DGAT2: variants seen among roughly 807,000 people sequenced by gnomAD.
DGAT2 encodes the protein acyl-CoA retinol O-fatty-acyltransferase.
Under a neutral mutation model 48.4 loss-of-function variants are expected in DGAT2, and 33 were observed. The observed-to-expected ratio is 0.68, with a 90% CI of 0.52 to 0.91. The LOEUF is 0.91. Ranked by LOEUF, DGAT2 falls within the 40% of genes least tolerant of loss-of-function variation. The probability of loss-of-function intolerance (pLI) is 0.00; values close to 1 mark genes in which losing one functional copy is unlikely to be tolerated. For synonymous variants in DGAT2, 191 were observed against 194.1 expected (o/e 0.98, Z 0.13); for missense variants, 446 against 493.7 (o/e 0.90, Z 0.92).
chr11:75,798,443 C>T lies in DGAT2; in HGVS notation c.1012+14C>T. 3 of 1,611,348 alleles carry T rather than the reference C, an allele frequency of 1.9e-6. No individual in the cohort carries two copies. Among genetic ancestry groups the T allele is most frequent in the African/African-American group, 2.7e-5 (2 of 75,014 alleles). On this transcript the variant is annotated intron_variant, in intron 7 of 7. Coordinates refer to ENST00000228027, the MANE Select transcript of DGAT2 (RefSeq NM_032564.5). ...TCACCACTGTTGGTAAGCCCCTAGC[C>T]TGCAGACCAAGGGCTGTCCTGAACA...
At chr11:75,785,521 A>G (rs188190465) in intron 2 of DGAT2, among the ~76,000 whole-genome samples, 113 of 152,338 alleles carry the variant, frequency 7.4e-4, no homozygotes, top group African/African-American at 2.6e-3. Context: ...TTAGGTTGCC[A>G]TCCAGGCCAG....
intron 2 of DGAT2, among the ~76,000 whole-genome samples, chr11:75,787,853 T>G (rs1944938163): frequency 6.6e-6 from 1 of 151,686 alleles, no homozygotes; most frequent in Non-Finnish European, 1.5e-5. Flanking sequence ...GGATGGTGAG[T>G]GGTTTCAGAG....
chr11:75,787,833 A>C (rs998142392), intron 2 of DGAT2, among the ~76,000 whole-genome samples: 1 of 152,178 alleles, frequency 6.6e-6, no homozygotes, highest in Non-Finnish European at 1.5e-5. Context: ...AGGGAGGCAG[A>C]TGATGAAAGG....
rs1945049089 is a variant in DGAT2, at chr11:75,796,144, C to T, written c.430-184C>T. On this transcript the variant is annotated intron_variant, in intron 4 of 7. Transcript: ENST00000228027. The stretch of plus-strand genomic sequence containing the variant: ...CAGAGACCCACAGTGCAAATGGTGA[C>T]TGCCCAACACCAGCACTGTGGCCCT... The T allele has an allele frequency of 4.7e-6, 3 of 640,608 alleles. No individual in the cohort carries two copies. In the East Asian group the frequency reaches 7.8e-5, roughly 17 times the overall value. The allele number at this position is 640,608 out of a possible 1,614,324, so 39.7% of individuals were successfully genotyped here. A position where few individuals can be genotyped will look rare whatever the true frequency, so the allele number is the denominator to read the frequency against.
intron 4 of DGAT2, among the ~76,000 whole-genome samples, chr11:75,791,033 G>T (rs1035566760): frequency 6.6e-6 from 1 of 152,250 alleles, no homozygotes; most frequent in Non-Finnish European, 1.5e-5. Flanking sequence ...CCTGATGCAT[G>T]TGGGCAATCC....
chr11:75,796,359 G>A lies in DGAT2; in HGVS notation c.461G>A (p.Arg154Lys). Residue 154 changes from arginine to lysine, a missense_variant, in exon 5 of 8, where the codon AGG becomes AAG. Transcript: ENST00000228027. The part of the protein sequence containing the change: ...LVKTHNLLTT[R>K]NYIFGYHPHG... The stretch of plus-strand genomic sequence containing the variant: ...AAGACACACAACCTGCTGACCACCA[G>A]GAACTATATCTTTGGATACCACCCC... The A allele has an allele frequency of 6.2e-7, 1 of 1,614,112 alleles. No homozygotes were observed. Among genetic ancestry groups the A allele is most frequent in the South Asian group, 1.1e-5 (1 of 91,084 alleles).
At chr11:75,781,009 C>T (rs868431209) in intron 1 of DGAT2, among the ~76,000 whole-genome samples, 4 of 152,268 alleles carry the variant, frequency 2.6e-5, no homozygotes, top group Non-Finnish European at 5.9e-5. Context: ...GGATCAGACC[C>T]AGGCCTGGCC....
intron 7 of DGAT2, among the ~76,000 whole-genome samples, chr11:75,799,611 ATTTTTTTTT>A (rs926223340): frequency 2.8e-5 from 4 of 143,216 alleles, no homozygotes; most frequent in Non-Finnish European, 6.2e-5. Flanking sequence ...CACACTTTTT[ATTTTTTTTT>A]TTTTTATTTT....
chr11:75,789,751 C>G (rs1944963768), intron 2 of DGAT2, among the ~76,000 whole-genome samples: 1 of 152,186 alleles, frequency 6.6e-6, no homozygotes, highest in Non-Finnish European at 1.5e-5. Flanking sequence ...AGTCACCCTG[C>G]CTTACACTTG....
chr11:75,787,011 C>G (rs979354883), intron 2 of DGAT2, among the ~76,000 whole-genome samples: 2 of 152,102 alleles, frequency 1.3e-5, no homozygotes, highest in Non-Finnish European at 2.9e-5. Context: ...ATAAAAAGAT[C>G]TAGCAGCACA....
intron 2 of DGAT2, among the ~76,000 whole-genome samples, chr11:75,787,627 C>T (rs959310727): frequency 1.3e-5 from 2 of 152,216 alleles, no homozygotes; most frequent in African/African-American, 4.8e-5. Flanking sequence ...AGCCCCACAA[C>T]CTAAGAGCAT....
intron 1 of DGAT2, chr11:75,776,645 G>A (rs1253296160): frequency 2.0e-5 from 3 of 152,244 alleles, no homozygotes; most frequent in Non-Finnish European, 4.4e-5. Context: ...CACATGGTGA[G>A]GCACCAAGTG....
In DGAT2 at chr11:75,778,556, T is replaced by A. The variant is rs1416316631; in HGVS notation, c.122-6062T>A. ...CGTTTTAAAATTTAATGTTCCTGGCTGGGCGTGGTGGCTCATGCCTGTAAT... is the reference window on the plus strand; with the variant it reads ...CGTTTTAAAATTTAATGTTCCTGGCAGGGCGTGGTGGCTCATGCCTGTAAT... On this transcript the variant is annotated intron_variant, in intron 1 of 7. Transcript: ENST00000228027. Among the ~76,000 whole-genome samples, 4 of 152,264 alleles carry A rather than the reference T, an allele frequency of 2.6e-5. No homozygotes were observed. In the East Asian group the frequency reaches 7.7e-4, roughly 29 times the overall value.
rs78326439 is a variant in DGAT2 at position 75,790,429 on chromosome 11, G to A, written c.358+134G>A. On this transcript the variant is annotated intron_variant, in intron 3 of 7. Transcript: ENST00000228027. ...TGAAAAGCACTGGACTAGTCCTTTT[G>A]GGGGGAGGTTAAAAGCCCCTCAAAG... The A allele has an allele frequency of 1.6e-3, 1,341 of 862,880 alleles. 13 individuals are homozygous for A. The African/African-American group carries it at 0.02, about 13-fold the overall frequency. 53.5% of individuals were successfully genotyped at this position (862,880 alleles called of 1,614,324 possible). A position where few individuals can be genotyped will look rare whatever the true frequency, so the allele number is the denominator to read the frequency against.
intron 4 of DGAT2, chr11:75,794,759 T>G (rs1209870975): frequency 1.3e-5 from 2 of 152,166 alleles, no homozygotes; most frequent in Non-Finnish European, 2.9e-5. Flanking sequence ...TAACCTCAAT[T>G]TTGTGGGTTT....
chr11:75,772,217 G>T (rs970653016), intron 1 of DGAT2, among the ~76,000 whole-genome samples: 2 of 152,150 alleles, frequency 1.3e-5, no homozygotes, highest in Non-Finnish European at 2.9e-5. Flanking sequence ...CCCCAAGCCT[G>T]CCCTAGTGGA....
intron 1 of DGAT2, among the ~76,000 whole-genome samples, chr11:75,770,334 T>C (rs1404158389): frequency 6.6e-6 from 1 of 152,178 alleles, no homozygotes; most frequent in Non-Finnish European, 1.5e-5. Flanking sequence ...GCTGTGGTTA[T>C]CTGCCCCTCT....
intron 1 of DGAT2, among the ~76,000 whole-genome samples, chr11:75,777,667 G>A (rs558368736): frequency 2.6e-5 from 4 of 152,180 alleles, no homozygotes; most frequent in Admixed American, 1.3e-4. Flanking sequence ...CCCTGTTTTC[G>A]GCACTGACTC....
chr11:75,778,185 A>G lies in DGAT2; in HGVS notation c.122-6433A>G, dbSNP rs150483551. 6.6e-5 allele frequency among the ~76,000 whole-genome samples: 10 copies of G among 151,520 alleles called. No individual in the cohort carries two copies. The East Asian group carries it at 1.9e-3, about 29-fold the overall frequency. ...TTTATTCTCAGCTTCTATTTCAGGC[A>G]GTCACTCACCCCCCTTTCTGGGTTC... is the stretch of plus-strand genomic sequence containing the variant. On this transcript the variant is annotated intron_variant, in intron 1 of 7. Coordinates refer to ENST00000228027, the MANE Select transcript of DGAT2 (RefSeq NM_032564.5).
Sources: allele counts gnomAD v4.1 joint callset (sites outside exome capture counted in the v4.1 genomes callset), GRCh38; gene constraint gnomAD v4.1.1; transcripts MANE v1.5; gene names NCBI Gene and HGNC (gene_info 2026-07-23, HGNC 2026-07-21).